SAMHD1: variants seen among roughly 807,000 people sequenced by gnomAD.
SAMHD1 encodes SAM and HD domain containing deoxynucleoside triphosphate triphosphohydrolase 1.
SAMHD1 carries 54 observed loss-of-function variants against 79.6 expected under a neutral mutation model. The observed-to-expected ratio is 0.68, with a 90% CI of 0.55 to 0.85. The LOEUF is 0.85. SAMHD1 is among the 40% of genes least tolerant of loss of function. The probability of loss-of-function intolerance (pLI) is 0.00; values close to 1 mark genes in which losing one functional copy is unlikely to be tolerated. For synonymous variants in SAMHD1, 260 were observed against 264.1 expected (o/e 0.98, Z 0.15); for missense variants, 663 against 782.7 (o/e 0.85, Z 1.82).
intron 15 of SAMHD1, among the ~76,000 whole-genome samples, chr20:36,895,386 A>G (rs557331576): frequency 1.5e-4 from 23 of 151,978 alleles, no homozygotes; most frequent in Admixed American, 6.6e-4. Context: ...TGACCAACCA[A>G]GACCAGCTAA....
intron 15 of SAMHD1, among the ~76,000 whole-genome samples, chr20:36,894,974 G>A (rs150222090): frequency 1.3e-5 from 2 of 151,986 alleles, no homozygotes; most frequent in East Asian, 3.9e-4. Context: ...CTAGGCTCAA[G>A]CAATCCTCCC....
At chr20:36,931,961 T>C (rs2146133349) in intron 4 of SAMHD1, among the ~76,000 whole-genome samples, 1 of 152,010 alleles carries the variant, frequency 6.6e-6, no homozygotes, top group African/African-American at 2.4e-5. Flanking sequence ...TAAGATGAGG[T>C]ACCTAGAGTA....
chr20:36,939,420 C>T (rs1362314613), intron 3 of SAMHD1, among the ~76,000 whole-genome samples: 2 of 151,850 alleles, frequency 1.3e-5, no homozygotes, highest in Admixed American at 6.6e-5. Flanking sequence ...TGGCGGAACC[C>T]TGTCTTTACT....
At chr20:36,949,865 G>A (rs547598885) in intron 1 of SAMHD1, among the ~76,000 whole-genome samples, 4 of 151,734 alleles carry the variant, frequency 2.6e-5, no homozygotes, top group East Asian at 1.9e-4. Context: ...GAACCTGGAC[G>A]AGCAAGGGAA....
intron 9 of SAMHD1, among the ~76,000 whole-genome samples, chr20:36,913,415 C>A (rs964714895): frequency 1.1e-4 from 16 of 151,480 alleles, no homozygotes; most frequent in South Asian, 2.1e-4. Flanking sequence ...ACCAGCCTGG[C>A]CAACATGGTG....
chr20:36,919,220 T>C, intron 7 of SAMHD1, 144 bp downstream of exon 7: 1 of 740,502 alleles, frequency 1.4e-6, no homozygotes, highest in South Asian at 1.8e-5. Flanking sequence ...AAGCCTTTTA[T>C]TTTTTGCATT....
rs1365439613 is a variant in SAMHD1 at position 36,916,746 on chromosome 20, C to T, written c.1038G>A (p.Glu346=). The T allele has an allele frequency of 1.9e-6, 3 of 1,613,502 alleles. No homozygotes were observed. Among genetic ancestry groups the T allele is most frequent in the Middle Eastern group, 1.7e-4 (1 of 6,058 alleles). Reference sequence around the variant, plus strand: ...CCTTATCTCTAGCACAAATACGCAACTCATTGTCTACTTCACAGACACGGG... The same window carrying T: ...CCTTATCTCTAGCACAAATACGCAATTCATTGTCTACTTCACAGACACGGG... ...KFARVCEVDN[E]LRICARDKEV... is the part of the protein sequence containing the mutation. The change falls in exon 9 of 16, where the codon GAG becomes GAA. Residue 346 remains glutamate (E), a synonymous_variant. Transcript: ENST00000646673.
intron 5 of SAMHD1, 47 bp downstream of exon 5, chr20:36,930,713 A>G (rs1309079874): frequency 2.4e-6 from 3 of 1,254,486 alleles, no homozygotes; most frequent in South Asian, 1.2e-5. Flanking sequence ...GAGAGGTAAC[A>G]TATGTTATGA....
chr20:36,890,396 C>CCCTTTCTTTTTCTTTCTTTCTT lies in SAMHD1; in HGVS notation c.*2535_*2536insAAGAAAGAAAGAAAAAGAAAGG, dbSNP rs143176006. ...ATACAAATAGCAAAGATATTTCTTT[C>CCCTTTCTTTTTCTTTCTTTCTT]TCTTTCTTTCTTTCTTTCTTTCTTT... On this transcript the variant is annotated 3_prime_UTR_variant, in exon 16 of 16. Transcript: ENST00000646673. 2 of 142,450 alleles carry CCCTTTCTTTTTCTTTCTTTCTT rather than the reference C, an allele frequency of 1.4e-5. No individual in the cohort carries two copies. Among genetic ancestry groups the CCCTTTCTTTTTCTTTCTTTCTT allele is most frequent in the Non-Finnish European group, 3.1e-5 (2 of 65,368 alleles). The allele number at this position is 142,450 out of a possible 1,614,324, so 8.8% of individuals were successfully genotyped here.
At position 36,904,262 on chromosome 20, in the gene SAMHD1, A is replaced by C; in HGVS notation, c.1411-13T>G. ...ATTCATAGTCCTCCTGGAAAACACA[A>C]GACTCCCCATGTTAGAATCCATTTT... On this transcript the variant is annotated splice_polypyrimidine_tract_variant and intron_variant, in intron 12 of 15. Coordinates refer to ENST00000646673, the MANE Select transcript of SAMHD1 (RefSeq NM_015474.4). 6.4e-7 allele frequency: 1 copy of C among 1,566,242 alleles called. No individual in the cohort carries two copies.
chr20:36,947,782 C>T (rs912659495), intron 1 of SAMHD1, among the ~76,000 whole-genome samples: 1 of 151,744 alleles, frequency 6.6e-6, no homozygotes, highest in African/African-American at 2.4e-5. Flanking sequence ...ATCCTCCTGC[C>T]TCAGCCTCCT....
chr20:36,889,918 T>G (rs1990019467), downstream of SAMHD1: 2 of 152,408 alleles, frequency 1.3e-5, no homozygotes, highest in African/African-American at 4.8e-5. Flanking sequence ...AATGTGTGTG[T>G]GTGTGTGTGT....
chr20:36,949,617 C>T (rs2063719380), intron 1 of SAMHD1, among the ~76,000 whole-genome samples: 1 of 151,646 alleles, frequency 6.6e-6, no homozygotes, highest in African/African-American at 2.4e-5. Context: ...ATTAGCTGGG[C>T]GTGGTGGCAC....
Position 36,890,772 on chromosome 20 carries a change from T to G in SAMHD1, c.*2160A>C, listed in dbSNP as rs1990056076. Reference sequence around the variant, plus strand: ...GGATTACAGGCATGACCACCTCGCCTGGCCAAGAAAAATGTAACCTTGTAA... The same window carrying G: ...GGATTACAGGCATGACCACCTCGCCGGGCCAAGAAAAATGTAACCTTGTAA... On this transcript the variant is annotated 3_prime_UTR_variant, in exon 16 of 16. Transcript: ENST00000646673. The G allele has an allele frequency of 6.6e-6, 1 of 152,124 alleles. No homozygotes were observed. The highest frequency in any genetic ancestry group is 2.4e-5 in the African/African-American group (1 of 41,424). The allele number at this position is 152,124 out of a possible 1,614,324, so 9.4% of individuals were successfully genotyped here.
At position 36,892,594 on chromosome 20, in the gene SAMHD1, T is replaced by A. The variant is rs1018416141; in HGVS notation, c.*338A>T. On this transcript the variant is annotated 3_prime_UTR_variant, in exon 16 of 16. Coordinates refer to ENST00000646673, the MANE Select transcript of SAMHD1 (RefSeq NM_015474.4). ...TCGCTTGAGCCCAGGAAAGTTCGAG[T>A]CCAAGCTGGGCAACAGAGCAAAACC... The A allele has an allele frequency of 2.2e-5, 7 of 324,462 alleles. No homozygotes were observed. Among genetic ancestry groups the A allele is most frequent in the Non-Finnish European group, 4.1e-5 (7 of 170,368 alleles). The allele number at this position is 324,462 out of a possible 1,614,324, so 20.1% of individuals were successfully genotyped here. A position where few individuals can be genotyped will look rare whatever the true frequency, so the allele number is the denominator to read the frequency against.
At chr20:36,893,984 G>A in intron 15 of SAMHD1, 2 of 398,542 alleles carry the variant, frequency 5.0e-6, no homozygotes, top group Non-Finnish European at 8.8e-6. Context: ...TACCTCCTCT[G>A]GCACGAGCGG....
chr20:36,943,443 A>G (rs909374310), intron 2 of SAMHD1, among the ~76,000 whole-genome samples: 3 of 152,228 alleles, frequency 2.0e-5, no homozygotes, highest in Non-Finnish European at 4.4e-5. Context: ...ACAGAACAAT[A>G]CAGCTCTAAG....
chr20:36,927,327 T>G (rs1042404976), intron 5 of SAMHD1, 75 bp from the exon 6 acceptor site: 1 of 1,356,336 alleles, frequency 7.4e-7, no homozygotes, highest in Non-Finnish European at 1.0e-6. Flanking sequence ...TTTTTTTTTT[T>G]TTTTTTTGAG....
chr20:36,946,498 A>T, intron 2 of SAMHD1: 2 of 444,626 alleles, frequency 4.5e-6, no homozygotes, highest in Non-Finnish European at 8.3e-6. Flanking sequence ...GAGGCAGGAG[A>T]ATAACTTGAA....
Sources: allele counts gnomAD v4.1 joint callset (sites outside exome capture counted in the v4.1 genomes callset), GRCh38; gene constraint gnomAD v4.1.1; transcripts MANE v1.5; gene names NCBI Gene and HGNC (gene_info 2026-07-23, HGNC 2026-07-21).